The following CSNK1G3 variants were observed in gnomAD, a reference collection of about 807,000 sequenced individuals.
The protein encoded by CSNK1G3 is casein kinase 1 gamma 3, also known as casein kinase I isoform gamma-3.
A neutral mutation model predicts 64.3 loss-of-function variants in CSNK1G3; 23 were observed. The ratio of observed to expected loss-of-function variants is 0.36; its 90% confidence interval spans 0.26 to 0.51. The LOEUF is 0.51. Ranked by LOEUF, CSNK1G3 falls within the 20% of genes least tolerant of loss-of-function variation. The pLI is 0.96. For synonymous variants in CSNK1G3, 158 were observed against 162.2 expected, an observed-to-expected ratio of 0.97 and a Z score of 0.20; for missense variants, 357 against 510.5, an observed-to-expected ratio of 0.70 and a Z score of 2.90.
At chr5:123,603,767 T>TGA (rs1246615370) in intron 10 of CSNK1G3, among the ~76,000 whole-genome samples, 7 of 152,182 alleles carry the variant, frequency 4.6e-5, no homozygotes, top group Non-Finnish European at 1.0e-4. Context: ...GCCAAGGCCT[T>TGA]TAAGTGGGAA....
At chr5:123,600,656 A>G (rs773277938) in intron 10 of CSNK1G3, among the ~76,000 whole-genome samples, 3 of 151,886 alleles carry the variant, frequency 2.0e-5, no homozygotes, top group Non-Finnish European at 4.4e-5. Context: ...AGAAATTAGG[A>G]AGACAGTAGT....
chr5:123,576,099 G>C lies in CSNK1G3; in HGVS notation c.673+136G>C, dbSNP rs1206690953. 3 of 555,794 alleles carry C rather than the reference G, an allele frequency of 5.4e-6. No individual in the cohort carries two copies. The African/African-American group carries it at 5.7e-5, about 11-fold the overall frequency. 34.4% of individuals were successfully genotyped at this position (555,794 alleles called of 1,614,324 possible). Reference sequence around the variant, plus strand: ...AATTTTCATTTATCACATCTACCTAGAGTTTACTTTCACTTATATTTTAAT... The same window carrying C: ...AATTTTCATTTATCACATCTACCTACAGTTTACTTTCACTTATATTTTAAT... On this transcript the variant is annotated intron_variant, in intron 6 of 12. Transcript: ENST00000345990.
intron 1 of CSNK1G3, among the ~76,000 whole-genome samples, chr5:123,523,989 A>G (rs920878004): frequency 2.0e-5 from 3 of 152,248 alleles, no homozygotes; most frequent in Non-Finnish European, 4.4e-5. Context: ...ATCTCTAGAC[A>G]TTCTGAATTC....
intron 1 of CSNK1G3, among the ~76,000 whole-genome samples, chr5:123,538,327 C>T (rs1781161799): frequency 6.6e-6 from 1 of 152,142 alleles, no homozygotes; most frequent in Non-Finnish European, 1.5e-5. Context: ...TTCATTCTTA[C>T]CAACACTTGA....
At chr5:123,588,596 TC>T in intron 8 of CSNK1G3, 85 bp downstream of exon 8, 1 of 885,230 alleles carries the variant, frequency 1.1e-6, no homozygotes. Flanking sequence ...CATATTTTTT[TC>T]TATGCTTAAA....
At chr5:123,524,959 A>G (rs1321185787) in intron 1 of CSNK1G3, among the ~76,000 whole-genome samples, 2 of 152,226 alleles carry the variant, frequency 1.3e-5, no homozygotes, top group Non-Finnish European at 2.9e-5. Context: ...AGATCCTAAT[A>G]GGAGCATGTG....
intron 1 of CSNK1G3, among the ~76,000 whole-genome samples, chr5:123,523,190 T>C (rs533890109): frequency 2.4e-4 from 36 of 152,326 alleles, no homozygotes; most frequent in Non-Finnish European, 4.4e-4. Flanking sequence ...GAACGGTCTC[T>C]GTTTATTCCC....
chr5:123,564,888 A>G (rs531319465), intron 4 of CSNK1G3, among the ~76,000 whole-genome samples: 13 of 152,178 alleles, frequency 8.5e-5, no homozygotes, highest in Non-Finnish European at 1.9e-4. Flanking sequence ...CTATTCAGCT[A>G]GGACAGCACT....
At chr5:123,573,287 C>A in intron 4 of CSNK1G3, 106 bp from the exon 5 acceptor site, 1 of 1,182,154 alleles carries the variant, frequency 8.5e-7, no homozygotes, top group Non-Finnish European at 1.2e-6. Flanking sequence ...AGTGATAGTA[C>A]TGCTTTAGTT....
intron 4 of CSNK1G3, among the ~76,000 whole-genome samples, chr5:123,566,930 T>C (rs1040482022): frequency 1.3e-5 from 2 of 152,238 alleles, no homozygotes; most frequent in Non-Finnish European, 2.9e-5. Flanking sequence ...TCTATTCGTA[T>C]GTATGTTTAA....
chr5:123,562,768 A>G (rs936475952), intron 4 of CSNK1G3, among the ~76,000 whole-genome samples: 1 of 152,134 alleles, frequency 6.6e-6, no homozygotes, highest in East Asian at 1.9e-4. Context: ...TTTTTAATTA[A>G]TGGAAGTGGT....
At chr5:123,578,311 T>A (rs777261100) in intron 6 of CSNK1G3, among the ~76,000 whole-genome samples, 6 of 151,912 alleles carry the variant, frequency 3.9e-5, no homozygotes, top group Non-Finnish European at 8.8e-5. Flanking sequence ...TGTTTCATAA[T>A]CTTGACAACA....
intron 1 of CSNK1G3, among the ~76,000 whole-genome samples, chr5:123,539,154 C>T (rs1251852063): frequency 2.0e-5 from 3 of 152,042 alleles, no homozygotes; most frequent in Non-Finnish European, 2.9e-5. Context: ...TTTTGTCAAA[C>T]GTAATCTCTT....
At chr5:123,572,541 G>A (rs997609222) in intron 4 of CSNK1G3, among the ~76,000 whole-genome samples, 2 of 152,164 alleles carry the variant, frequency 1.3e-5, no homozygotes, top group Non-Finnish European at 2.9e-5. Context: ...GTCTTACCAT[G>A]TGGAAATTAA....
intron 1 of CSNK1G3, among the ~76,000 whole-genome samples, chr5:123,517,349 C>T (rs566673837): frequency 9.2e-5 from 14 of 152,256 alleles, no homozygotes; most frequent in Non-Finnish European, 1.5e-4. Flanking sequence ...GTACCCAACA[C>T]ACTGTTATGG....
intron 4 of CSNK1G3, among the ~76,000 whole-genome samples, chr5:123,557,848 A>G (rs749314682): frequency 1.8e-4 from 27 of 152,292 alleles, no homozygotes; most frequent in Non-Finnish European, 3.7e-4. Context: ...AGGCACTATT[A>G]TAGCTGTTGA....
rs1276769203 is a variant in CSNK1G3, at chr5:123,614,375, AACCAT to A, written c.1254_1258del (p.Ile419AlafsTer67). The A allele has an allele frequency of 6.2e-7, 1 of 1,613,402 alleles. No homozygotes were observed. Reference sequence around the variant, plus strand: ...GTTTTTTCAAACGAAGGAAAAGGAAAACCATACAGCGCCACAAATGACTCTGGACA... The same window carrying A: ...GTTTTTTCAAACGAAGGAAAAGGAAAACAGCGCCACAAATGACTCTGGACA... On this transcript the variant is annotated frameshift_variant, in exon 13 of 13. Transcript: ENST00000345990. LOFTEE classifies it high-confidence loss of function.
chr5:123,592,545 G>T (rs886567107), intron 10 of CSNK1G3, among the ~76,000 whole-genome samples: 1 of 151,860 alleles, frequency 6.6e-6, no homozygotes, highest in South Asian at 2.1e-4. Context: ...GGAGTGTCTA[G>T]AAATTTTCTC....
chr5:123,573,598 A>G, intron 5 of CSNK1G3, 57 bp downstream of exon 5: 1 of 1,448,120 alleles, frequency 6.9e-7, no homozygotes, highest in Non-Finnish European at 9.3e-7. Context: ...GTTGGTCACA[A>G]ATTCATATTA....
Sources: gnomAD v4.1 joint callset for allele counts (sites outside exome capture counted in the v4.1 genomes callset) on GRCh38, gnomAD v4.1.1 for gene constraint, MANE v1.5 for transcripts, NCBI Gene and HGNC (gene_info 2026-07-23, HGNC 2026-07-21) for gene names.